Variants in KALRN observed in about 807,000 individuals in gnomAD.
KALRN encodes the protein kalirin RhoGEF kinase, also known as kalirin.
In KALRN, 70 loss-of-function variants were observed where a neutral mutation model predicts 353.7. The ratio of observed to expected loss-of-function variants is 0.20; its 90% CI spans 0.16 to 0.24. The LOEUF (loss-of-function observed/expected upper bound fraction) is 0.24. Among genes scored for constraint, KALRN ranks in the 10% least tolerant of loss-of-function variants. The pLI is 1.00. For synonymous variants in KALRN, 1,391 were observed against 1,434.8 expected (o/e 0.97, Z 0.69); for missense variants, 2,791 against 3,756.7 (o/e 0.74, Z 6.72).
At chr3:124,111,678 C>T (rs370032247) in intron 1 of KALRN, among the ~76,000 whole-genome samples, 12 of 151,906 alleles carry the variant, frequency 7.9e-5, no homozygotes, top group African/African-American at 1.5e-4. Flanking sequence ...TAGAGCCAAA[C>T]GTAATACAGA....
intron 33 of KALRN, among the ~76,000 whole-genome samples, chr3:124,529,990 G>T (rs1432256415): frequency 1.3e-5 from 2 of 152,128 alleles, no homozygotes; most frequent in Admixed American, 6.5e-5. Flanking sequence ...TTGCAAATGC[G>T]CTTCTCTCTG....
At chr3:124,400,475 C>T (rs1240953265) in intron 13 of KALRN, among the ~76,000 whole-genome samples, 1 of 152,112 alleles carries the variant, frequency 6.6e-6, no homozygotes, top group Non-Finnish European at 1.5e-5. Flanking sequence ...GATTTCATAA[C>T]CTTAGGAGAA....
rs1290849235 is a variant in KALRN at position 124,368,278 on chromosome 3, G to A, written c.1771-16567G>A. 8.3e-4 allele frequency among the ~76,000 whole-genome samples: 120 copies of A among 145,122 alleles called. 2 individuals are homozygous for A. The highest frequency in any genetic ancestry group is 1.5e-3 in the Non-Finnish European group (98 of 66,552). On this transcript the variant is annotated intron_variant, in intron 10 of 59. Transcript: ENST00000682506. ...CTCCCTCCCGGACGGGGCGGCTGCC[G>A]GGCGGAGACGCTCCTCACTTCCCAG... is the stretch of plus-strand genomic sequence containing the variant.
intron 1 of KALRN, among the ~76,000 whole-genome samples, chr3:124,061,742 T>C (rs1211260463): frequency 6.6e-6 from 1 of 152,198 alleles, no homozygotes; most frequent in Non-Finnish European, 1.5e-5. Flanking sequence ...GAGCTGAGGT[T>C]TGGTGTGAGT....
At chr3:124,070,390 A>G (rs555035848) in intron 1 of KALRN, among the ~76,000 whole-genome samples, 1 of 152,286 alleles carries the variant, frequency 6.6e-6, no homozygotes, top group East Asian at 1.9e-4. Flanking sequence ...AGAACATACC[A>G]TACTGAATCT....
intron 3 of KALRN, among the ~76,000 whole-genome samples, chr3:124,255,954 G>T (rs577751436): frequency 6.6e-6 from 1 of 152,196 alleles, no homozygotes; most frequent in East Asian, 1.9e-4. Context: ...GTCTGTTTTA[G>T]CGAGGAGGAG....
chr3:124,519,976 G>C, intron 33 of KALRN: 1 of 634,410 alleles, frequency 1.6e-6, no homozygotes, highest in South Asian at 7.0e-5. Flanking sequence ...GATGCAATGA[G>C]CGTGTGTCCG....
chr3:124,230,652 T>A (rs1013681534), intron 2 of KALRN, among the ~76,000 whole-genome samples: 1 of 151,984 alleles, frequency 6.6e-6, no homozygotes, highest in Non-Finnish European at 1.5e-5. Context: ...AGCATAGCTC[T>A]CCCCCATTTG....
intron 1 of KALRN, among the ~76,000 whole-genome samples, chr3:124,157,560 A>G (rs1461048233): frequency 6.6e-6 from 1 of 152,246 alleles, no homozygotes; most frequent in African/African-American, 2.4e-5. Flanking sequence ...TGTGAGTCAG[A>G]TTCAATGTAT....
intron 11 of KALRN, among the ~76,000 whole-genome samples, chr3:124,391,415 C>A (rs1354690317): frequency 6.6e-6 from 1 of 152,180 alleles, no homozygotes; most frequent in Non-Finnish European, 1.5e-5. Flanking sequence ...ACCTCACTCA[C>A]TCCATGATTT....
intron 10 of KALRN, among the ~76,000 whole-genome samples, chr3:124,362,700 C>T (rs748720837): frequency 5.3e-5 from 8 of 152,234 alleles, no homozygotes; most frequent in African/African-American, 7.2e-5. Context: ...GAAATAGCTC[C>T]GGTGGACTTT....
chr3:124,317,970 T>C (rs975920101), intron 6 of KALRN, among the ~76,000 whole-genome samples: 1 of 152,102 alleles, frequency 6.6e-6, no homozygotes, highest in Non-Finnish European at 1.5e-5. Flanking sequence ...TACAAAAACA[T>C]TTACCCTGCC....
At chr3:124,307,681 C>T (rs1447929583) in intron 6 of KALRN, among the ~76,000 whole-genome samples, 1 of 151,850 alleles carries the variant, frequency 6.6e-6, no homozygotes, top group South Asian at 2.1e-4. Flanking sequence ...CTACAAAATA[C>T]TCACTTATGC....
chr3:124,626,158 A>T (rs2079925919), intron 34 of KALRN, among the ~76,000 whole-genome samples: 1 of 152,246 alleles, frequency 6.6e-6, no homozygotes, highest in Non-Finnish European at 1.5e-5. Flanking sequence ...TTTTGAATAA[A>T]TGAAGTTGCA....
chr3:124,449,937 A>G (rs2058618213), intron 21 of KALRN, among the ~76,000 whole-genome samples: 1 of 152,186 alleles, frequency 6.6e-6, no homozygotes, highest in South Asian at 2.1e-4. Flanking sequence ...TTTGTTTACT[A>G]TTCATCAGTT....
rs2084910662 is a variant in KALRN, at chr3:124,661,813, TGTTCCCCCTCCTGAGTAACA to T, written c.6268-34_6268-15del. 2.0e-6 allele frequency: 3 copies of T among 1,532,868 alleles called. No homozygotes were observed. Among genetic ancestry groups the T allele is most frequent in the Non-Finnish European group, 2.7e-6 (3 of 1,106,008 alleles). The allele number at this position is 1,532,868 out of a possible 1,614,324, so 95.0% of individuals were successfully genotyped here. A position where few individuals can be genotyped will look rare whatever the true frequency, so the allele number is the denominator to read the frequency against. On this transcript the variant is annotated intron_variant, in intron 44 of 59. Transcript: ENST00000682506. ...TACCAAGAGCTTCCTGCCTGAGTGC[TGTTCCCCCTCCTGAGTAACA>T]GTTGTTCTTTCCCACAGAAAGCAGT...
intron 49 of KALRN, among the ~76,000 whole-genome samples, chr3:124,676,119 C>T (rs181758572): frequency 6.6e-6 from 1 of 152,264 alleles, no homozygotes; most frequent in East Asian, 1.9e-4. Flanking sequence ...AATGATTTAT[C>T]CTCTAAATAT....
chr3:124,574,034 G>T (rs2073836787), intron 34 of KALRN, among the ~76,000 whole-genome samples: 1 of 152,156 alleles, frequency 6.6e-6, no homozygotes, highest in Non-Finnish European at 1.5e-5. Context: ...TGTGAGTGTT[G>T]GGTGTATATG....
At chr3:124,256,150 A>T (rs533550766) in intron 3 of KALRN, among the ~76,000 whole-genome samples, 48 of 152,312 alleles carry the variant, frequency 3.2e-4, no homozygotes, top group African/African-American at 1.1e-3. Context: ...ACCTGGAAAG[A>T]AGTTCAGGAA....
Sources: gnomAD v4.1 joint callset for allele counts (sites outside exome capture counted in the v4.1 genomes callset) on GRCh38, gnomAD v4.1.1 for gene constraint, MANE v1.5 for transcripts, NCBI Gene and HGNC (gene_info 2026-07-23, HGNC 2026-07-21) for gene names.